The following TANC1 variants were observed in gnomAD, a reference collection of about 807,000 sequenced individuals.
The protein encoded by TANC1 is tetratricopeptide repeat, ankyrin repeat and coiled-coil containing 1, also known as protein TANC1.
Under a neutral mutation model 149.7 loss-of-function variants are expected in TANC1, and 77 were observed. The observed-to-expected ratio is 0.51, with a 90% CI of 0.43 to 0.62. TANC1 has a LOEUF of 0.62. Among genes scored for constraint, TANC1 ranks in the 20% least tolerant of loss-of-function variants. The probability of loss-of-function intolerance (pLI) is 0.00; values close to 1 mark genes in which losing one functional copy is unlikely to be tolerated. For missense variants in TANC1, 1,985 were observed against 2,321.8 expected (o/e 0.85, Z 2.98); for synonymous variants, 854 against 925.0 (o/e 0.92, Z 1.39).
chr2:159,056,569 C>G (rs2041875736), intron 2 of TANC1: 1 of 154,938 alleles, frequency 6.5e-6, no homozygotes, highest in South Asian at 2.0e-4. Flanking sequence ...AAAAGAGAAG[C>G]CTCCCAAAGT....
chr2:158,974,250 T>A (rs1382667839), intron 1 of TANC1, among the ~76,000 whole-genome samples: 1 of 152,166 alleles, frequency 6.6e-6, no homozygotes, highest in Non-Finnish European at 1.5e-5. Context: ...GGTGCCGTGG[T>A]GGTTACATGA....
Position 159,229,821 on chromosome 2 carries a change from T to C in TANC1, c.4395T>C (p.Ser1465=), listed in dbSNP as rs781154050. 1 of 1,613,654 alleles carries C rather than the reference T, an allele frequency of 6.2e-7. No individual in the cohort carries two copies. Among genetic ancestry groups the C allele is most frequent in the East Asian group, 2.2e-5 (1 of 44,830 alleles). The stretch of plus-strand genomic sequence containing the variant: ...AGGAGACTGAAGAGGAAGAAACTTC[T>C]CCCCAGGAAGAATCTGTTTCCCCAA... The part of the protein sequence containing the change: ...HSEETEEEET[S]PQEESVSPTP... Residue 1465 remains serine (S), a synonymous_variant, in exon 27 of 27, where the codon TCT becomes TCC. Transcript: ENST00000263635.
chr2:159,168,774 C>T (rs2054877694), intron 8 of TANC1, among the ~76,000 whole-genome samples: 1 of 152,044 alleles, frequency 6.6e-6, no homozygotes, highest in Non-Finnish European at 1.5e-5. Context: ...ACTATTACTA[C>T]TGAGCCAACT....
At chr2:159,097,567 A>G (rs1274464829) in intron 3 of TANC1, 70 bp from the exon 4 acceptor site, 1 of 1,150,680 alleles carries the variant, frequency 8.7e-7, no homozygotes, top group Non-Finnish European at 1.3e-6. Context: ...AATATAGTTT[A>G]TAGGAGTTAA....
chr2:159,008,680 T>A (rs2037461727), intron 2 of TANC1, among the ~76,000 whole-genome samples: 1 of 152,228 alleles, frequency 6.6e-6, no homozygotes. Context: ...AATAATGCTT[T>A]CAATTCTCTT....
Position 158,994,038 on chromosome 2 carries a change from T to G in TANC1, c.-125-7042T>G, listed in dbSNP as rs539554627. Among the ~76,000 whole-genome samples the G allele has an allele frequency of 8.5e-5, 13 of 152,326 alleles. No individual in the cohort carries two copies. The East Asian group carries it at 1.5e-3, about 18-fold the overall frequency. On this transcript the variant is annotated intron_variant, in intron 1 of 26. Transcript: ENST00000263635. ...TGGACCATGCACTAGTGCCCTAGTA[T>G]CTCTAGTGCACTACACATATCTGAT... is the stretch of plus-strand genomic sequence containing the variant.
chr2:159,082,798 T>C lies in TANC1; in HGVS notation c.62-14839T>C, dbSNP rs561964611. 5.9e-5 allele frequency among the ~76,000 whole-genome samples: 9 copies of C among 152,312 alleles called. 1 individual carries two copies. In the South Asian group the frequency reaches 1.9e-3, roughly 32 times the overall value. On this transcript the variant is annotated intron_variant, in intron 3 of 26. Coordinates refer to ENST00000263635, the MANE Select transcript of TANC1 (RefSeq NM_033394.3). ...CACATTCAAAGAGTCAGTGTTCACC[T>C]TTGGCTTTACAAGAATGGGCTCTAC...
At chr2:159,060,141 C>T (rs2042139430) in intron 2 of TANC1, 1 of 933,696 alleles carries the variant, frequency 1.1e-6, no homozygotes, top group Non-Finnish European at 1.3e-6. Context: ...GTTTTAAGAA[C>T]TTTTCAAGCT....
intron 4 of TANC1, among the ~76,000 whole-genome samples, chr2:159,118,503 C>G (rs1191225621): frequency 6.6e-6 from 1 of 152,198 alleles, no homozygotes; most frequent in Admixed American, 6.5e-5. Context: ...CTTTCTGCCC[C>G]ACTTTGTTGC....
chr2:159,141,778 T>C (rs1258569423), intron 5 of TANC1, among the ~76,000 whole-genome samples: 1 of 152,158 alleles, frequency 6.6e-6, no homozygotes, highest in African/African-American at 2.4e-5. Context: ...GTATTTCATT[T>C]ATGAGCTGGG....
chr2:159,087,027 A>G (rs1028803630), intron 3 of TANC1, among the ~76,000 whole-genome samples: 3 of 152,008 alleles, frequency 2.0e-5, no homozygotes, highest in Non-Finnish European at 4.4e-5. Flanking sequence ...CAGCATCCCA[A>G]TCGTGAAAAA....
At chr2:159,171,668 C>T (rs1001710761) in intron 10 of TANC1, among the ~76,000 whole-genome samples, 2 of 151,960 alleles carry the variant, frequency 1.3e-5, no homozygotes, top group African/African-American at 2.4e-5. Flanking sequence ...ACCAGCCTGA[C>T]CAACATGGTA....
At chr2:159,223,987 A>G (rs1166703168) in intron 22 of TANC1, among the ~76,000 whole-genome samples, 1 of 152,168 alleles carries the variant, frequency 6.6e-6, no homozygotes, top group Non-Finnish European at 1.5e-5. Context: ...GCACACACCC[A>G]CCTGTGGTAG....
At chr2:159,201,611 GT>G (rs1187801643) in intron 19 of TANC1, among the ~76,000 whole-genome samples, 1 of 152,178 alleles carries the variant, frequency 6.6e-6, no homozygotes, top group Non-Finnish European at 1.5e-5. Flanking sequence ...AGTCAATGGT[GT>G]TTTGTGTCCA....
At chr2:159,000,054 A>G (rs1449596762) in intron 1 of TANC1, among the ~76,000 whole-genome samples, 5 of 152,138 alleles carry the variant, frequency 3.3e-5, no homozygotes, top group African/African-American at 1.2e-4. Context: ...ATTACAGGCA[A>G]GGGCCTCCAT....
At position 159,143,062 on chromosome 2, in the gene TANC1, C is replaced by CAAA. The variant is rs70994269; in HGVS notation, c.365-6066_365-6064dup. 1.7e-4 allele frequency among the ~76,000 whole-genome samples: 15 copies of CAAA among 87,342 alleles called. No individual in the cohort carries two copies. In the East Asian group the frequency reaches 5.7e-3, roughly 33 times the overall value. 57.3% of individuals were successfully genotyped at this position (87,342 alleles called of 152,430 possible). A position where few individuals can be genotyped will look rare whatever the true frequency, so the allele number is the denominator to read the frequency against. Reference sequence around the variant, plus strand: ...TGGGCCACAGAGCGAGACTCTGTCTCAAAAAAAAAAAAAAAACAACAAAAC... The same window carrying CAAA: ...TGGGCCACAGAGCGAGACTCTGTCTCAAAAAAAAAAAAAAAAAAACAACAAAAC... On this transcript the variant is annotated intron_variant, in intron 5 of 26. Coordinates refer to ENST00000263635, the MANE Select transcript of TANC1 (RefSeq NM_033394.3).
At chr2:159,020,992 A>G (rs540620461) in intron 2 of TANC1, among the ~76,000 whole-genome samples, 3 of 152,062 alleles carry the variant, frequency 2.0e-5, no homozygotes, top group Non-Finnish European at 4.4e-5. Context: ...TGTGTCACTC[A>G]TATACATCTT....
chr2:159,212,441 T>A (rs1369107682), intron 19 of TANC1, among the ~76,000 whole-genome samples: 1 of 152,180 alleles, frequency 6.6e-6, no homozygotes, highest in Non-Finnish European at 1.5e-5. Context: ...CCAGAAAATG[T>A]ATATTGTAGG....
intron 16 of TANC1, among the ~76,000 whole-genome samples, chr2:159,193,471 A>G (rs1358649262): frequency 6.6e-6 from 1 of 152,194 alleles, no homozygotes; most frequent in Non-Finnish European, 1.5e-5. Context: ...TCTTTTGAAT[A>G]TGTACCCAGA....
Sources: gnomAD v4.1 joint callset for allele counts (sites outside exome capture counted in the v4.1 genomes callset) on GRCh38, gnomAD v4.1.1 for gene constraint, MANE v1.5 for transcripts, NCBI Gene and HGNC (gene_info 2026-07-23, HGNC 2026-07-21) for gene names.